PARD3B: variants seen among roughly 807,000 people sequenced by gnomAD.
The protein encoded by PARD3B is par-3 family cell polarity regulator beta.
PARD3B carries 103 observed loss-of-function variants against 130.2 expected under a neutral mutation model. The observed-to-expected ratio is 0.79, with a 90% CI of 0.67 to 0.93. The LOEUF (loss-of-function observed/expected upper bound fraction) is 0.93, where lower values mean the gene tolerates loss of function less well. Among genes scored for constraint, PARD3B ranks in the 40% least tolerant of loss-of-function variants. The probability of loss-of-function intolerance (pLI) is 0.00; values close to 1 mark genes in which losing one functional copy is unlikely to be tolerated. For synonymous variants in PARD3B, 583 were observed against 553.2 expected (o/e 1.05, Z -0.76); for missense variants, 1,609 against 1,499.2 (o/e 1.07, Z -1.21).
At chr2:205,107,144 C>G (rs1430842242) in intron 5 of PARD3B, among the ~76,000 whole-genome samples, 1 of 152,190 alleles carries the variant, frequency 6.6e-6, no homozygotes, top group Non-Finnish European at 1.5e-5. Flanking sequence ...ATTGCTCAAG[C>G]CTTTGTTATC....
intron 21 of PARD3B, among the ~76,000 whole-genome samples, chr2:205,516,099 G>A (rs1559167613): frequency 6.6e-6 from 1 of 152,074 alleles, no homozygotes; most frequent in South Asian, 2.1e-4. Context: ...AAGATCAGGT[G>A]GTCATAGGTG....
At chr2:205,433,999 C>G (rs1396758103) in intron 19 of PARD3B, among the ~76,000 whole-genome samples, 1 of 152,198 alleles carries the variant, frequency 6.6e-6, no homozygotes, top group African/African-American at 2.4e-5. Context: ...CATATGTCGT[C>G]ATTTCTTTTT....
intron 2 of PARD3B, among the ~76,000 whole-genome samples, chr2:204,873,160 A>G (rs2125651546): frequency 6.6e-6 from 1 of 152,350 alleles, no homozygotes; most frequent in East Asian, 1.9e-4. Flanking sequence ...AGCTCTGCAT[A>G]AGAAGGACAG....
intron 4 of PARD3B, among the ~76,000 whole-genome samples, chr2:205,086,243 T>C (rs576882460): frequency 9.2e-5 from 14 of 152,346 alleles, no homozygotes; most frequent in African/African-American, 3.4e-4. Context: ...CAGGTGACAG[T>C]AAATATTACA....
In PARD3B at chr2:204,907,592, G is replaced by A. The variant is rs1024009886; in HGVS notation, c.223-57560G>A. On this transcript the variant is annotated intron_variant, in intron 2 of 22. Transcript: ENST00000406610. This position sits in a 1 kb window ranked among gnomAD's most constrained non-coding sequence, Gnocchi z 5.7. ...CCAAAGCCTTAGTTTCATGGAATTC[G>A]GAGTTTGATCAGTGTTTGGTCATAA... Among the ~76,000 whole-genome samples the A allele has an allele frequency of 5.9e-5, 9 of 152,078 alleles. No homozygotes were observed. In the South Asian group the frequency reaches 8.3e-4, roughly 14 times the overall value.
At position 205,183,315 on chromosome 2, in the gene PARD3B, G is replaced by A. The variant is rs914480581; in HGVS notation, c.1925-2449G>A. On this transcript the variant is annotated intron_variant, in intron 13 of 22. Coordinates refer to ENST00000406610, the MANE Select transcript of PARD3B (RefSeq NM_001302769.2). This position sits in a 1 kb window ranked among gnomAD's most constrained non-coding sequence, Gnocchi z 5.2. ...CAGCTGAAGTGATTTTGAGCAACAA[G>A]TTACATGATCACAAATACGTTCACC... Among the ~76,000 whole-genome samples the A allele has an allele frequency of 6.6e-6, 1 of 152,212 alleles. No homozygotes were observed. The highest frequency in any genetic ancestry group is 2.4e-5 in the African/African-American group (1 of 41,456).
chr2:204,940,807 C>T (rs1688839719), intron 2 of PARD3B, among the ~76,000 whole-genome samples: 1 of 151,912 alleles, frequency 6.6e-6, no homozygotes. Context: ...TAGGAGTACC[C>T]CTGCTCTATT....
chr2:204,601,673 C>T (rs918828937), intron 1 of PARD3B, among the ~76,000 whole-genome samples: 10 of 151,870 alleles, frequency 6.6e-5, no homozygotes, highest in Admixed American at 1.3e-4. Flanking sequence ...TGAATTTAGG[C>T]GTAGGAAACT....
At chr2:204,971,399 A>G (rs1473521053) in intron 3 of PARD3B, among the ~76,000 whole-genome samples, 1 of 152,150 alleles carries the variant, frequency 6.6e-6, no homozygotes, top group African/African-American at 2.4e-5. Context: ...CAAAGCATAT[A>G]AGCATGTGAG....
intron 1 of PARD3B, among the ~76,000 whole-genome samples, chr2:204,585,933 A>C (rs1316351450): frequency 6.6e-6 from 1 of 152,204 alleles, no homozygotes; most frequent in Non-Finnish European, 1.5e-5. Context: ...ATGCATGCAT[A>C]TGAGATGACA....
chr2:204,997,461 C>A (rs994096710), intron 3 of PARD3B, among the ~76,000 whole-genome samples: 11 of 152,082 alleles, frequency 7.2e-5, no homozygotes, highest in South Asian at 6.2e-4. Flanking sequence ...AGTTTTTGTA[C>A]CTATTTGGAT....
At chr2:204,862,252 A>G (rs2045240261) in intron 2 of PARD3B, among the ~76,000 whole-genome samples, 1 of 152,188 alleles carries the variant, frequency 6.6e-6, no homozygotes, top group Non-Finnish European at 1.5e-5. Context: ...TCTGGGTCAC[A>G]CAAGCCAGGC....
chr2:205,355,916 G>C (rs2044174675), intron 18 of PARD3B, among the ~76,000 whole-genome samples: 1 of 152,284 alleles, frequency 6.6e-6, no homozygotes, highest in East Asian at 1.9e-4. Context: ...CTCACTCACT[G>C]TCACAAGAAA....
In PARD3B at chr2:204,545,898, TCTCTGGGCCCACCCGCCCCGGGC is replaced by T; in HGVS notation, c.-101_-79del. 3 of 1,293,718 alleles carry T rather than the reference TCTCTGGGCCCACCCGCCCCGGGC, an allele frequency of 2.3e-6. No individual in the cohort carries two copies. Among genetic ancestry groups the T allele is most frequent in the Non-Finnish European group, 3.0e-6 (3 of 989,252 alleles). 80.1% of individuals were successfully genotyped at this position (1,293,718 alleles called of 1,614,324 possible). ...GTGTTCCGGGGAGCGGCGCCCCGGG[TCTCTGGGCCCACCCGCCCCGGGC>T]GTCCTCCGAGAGTGGGGGCTGCGCC... On this transcript the variant is annotated 5_prime_UTR_variant, in exon 1 of 23. Transcript: ENST00000406610.
chr2:204,680,870 G>A (rs569245387), intron 1 of PARD3B, among the ~76,000 whole-genome samples: 1 of 151,974 alleles, frequency 6.6e-6, no homozygotes, highest in Non-Finnish European at 1.5e-5. Context: ...TTGAAATTTG[G>A]TACACGTTCC....
At chr2:205,442,534 C>T (rs749538650) in intron 20 of PARD3B, among the ~76,000 whole-genome samples, 1 of 152,090 alleles carries the variant, frequency 6.6e-6, no homozygotes, top group Non-Finnish European at 1.5e-5. Context: ...AACTCCTGAC[C>T]TCATGATCCA....
chr2:204,712,613 C>CAAAAA (rs1253142601), intron 2 of PARD3B, among the ~76,000 whole-genome samples: 3 of 47,570 alleles, frequency 6.3e-5, no homozygotes, highest in Admixed American at 2.1e-4. Context: ...GACCCCATCT[C>CAAAAA]AAAAAAAAAA....
chr2:205,224,759 T>G (rs953647610), intron 15 of PARD3B, among the ~76,000 whole-genome samples: 8 of 152,158 alleles, frequency 5.3e-5, no homozygotes, highest in African/African-American at 1.7e-4. Context: ...AATCTCATTC[T>G]TTTTTATGGC....
At chr2:204,829,003 C>T (rs2043699656) in intron 2 of PARD3B, among the ~76,000 whole-genome samples, 1 of 152,176 alleles carries the variant, frequency 6.6e-6, no homozygotes, top group South Asian at 2.1e-4. Flanking sequence ...TCCATGGTCA[C>T]CTGTTCCCTC....
Sources: gnomAD v4.1 joint callset for allele counts (sites outside exome capture counted in the v4.1 genomes callset) on GRCh38, gnomAD v4.1.1 for gene constraint, Gnocchi (gnomAD v3.1) non-coding constraint, MANE v1.5 for transcripts, NCBI Gene and HGNC (gene_info 2026-07-23, HGNC 2026-07-21) for gene names.